Variants in CCSER1 observed in about 807,000 individuals in gnomAD.
The protein encoded by CCSER1 is coiled-coil serine rich protein 1.
In CCSER1, 41 loss-of-function variants were observed where a neutral mutation model predicts 82.0. The observed-to-expected ratio is 0.50, with a 90% CI of 0.39 to 0.65. The LOEUF (loss-of-function observed/expected upper bound fraction) is 0.65. CCSER1 is among the 30% of genes least tolerant of loss of function. The pLI, the probability that CCSER1 is intolerant of heterozygous loss-of-function variation, is 0.00. For synonymous variants in CCSER1, 414 were observed against 383.9 expected, an observed-to-expected ratio of 1.08 and a Z score of -0.92; for missense variants, 1,119 against 1,064.2, an observed-to-expected ratio of 1.05 and a Z score of -0.72.
At chr4:91,174,469 A>C (rs1360593734) in intron 10 of CCSER1, among the ~76,000 whole-genome samples, 2 of 152,048 alleles carry the variant, frequency 1.3e-5, no homozygotes, top group African/African-American at 4.8e-5. Flanking sequence ...TTTTACTATA[A>C]GTTCTGGGAA....
Position 90,313,103 on chromosome 4 carries a change from G to T in CCSER1, c.1509+56G>T, listed in dbSNP as rs765390389. The T allele has an allele frequency of 7.6e-6, 10 of 1,323,208 alleles. No homozygotes were observed. In the African/African-American group the frequency reaches 1.3e-4, roughly 17 times the overall value. 82.0% of individuals were successfully genotyped at this position (1,323,208 alleles called of 1,614,324 possible). A position where few individuals can be genotyped will look rare whatever the true frequency, so the allele number is the denominator to read the frequency against. Reference sequence around the variant, plus strand: ...AAATAATGCTGTCTATATCCGACATGTTCATGTCTCTTGCAAAATGAACAC... The same window carrying T: ...AAATAATGCTGTCTATATCCGACATTTTCATGTCTCTTGCAAAATGAACAC... On this transcript the variant is annotated intron_variant, in intron 3 of 10. Transcript: ENST00000509176.
chr4:90,424,588 A>T (rs542370780), intron 4 of CCSER1, among the ~76,000 whole-genome samples: 91 of 152,306 alleles, frequency 6.0e-4, no homozygotes, highest in South Asian at 1.2e-3. Flanking sequence ...CACATATAAG[A>T]TACTACACTT....
chr4:90,646,077 G>A (rs903125621), intron 6 of CCSER1, among the ~76,000 whole-genome samples: 6 of 152,054 alleles, frequency 3.9e-5, no homozygotes, highest in South Asian at 4.1e-4. Flanking sequence ...GTAATGAATT[G>A]TGGTAAAAGA....
At chr4:90,240,000 G>T (rs549263240) in intron 1 of CCSER1, among the ~76,000 whole-genome samples, 1 of 152,266 alleles carries the variant, frequency 6.6e-6, no homozygotes, top group East Asian at 1.9e-4. Flanking sequence ...AACCTAAGTG[G>T]TACCCTGAAG....
chr4:91,389,807 T>C (rs1020374976), intron 10 of CCSER1, among the ~76,000 whole-genome samples: 9 of 152,030 alleles, frequency 5.9e-5, no homozygotes, highest in Admixed American at 3.9e-4. Flanking sequence ...TTGTATTAGA[T>C]TTTTACTTAA....
intron 10 of CCSER1, among the ~76,000 whole-genome samples, chr4:91,416,097 A>T (rs1373586975): frequency 3.9e-5 from 6 of 151,926 alleles, no homozygotes; most frequent in Admixed American, 3.9e-4. Context: ...CTATTCAGGG[A>T]TTCAGTTTCT....
At chr4:90,871,463 T>C (rs1156877363) in intron 8 of CCSER1, among the ~76,000 whole-genome samples, 1 of 151,902 alleles carries the variant, frequency 6.6e-6, no homozygotes, top group East Asian at 1.9e-4. Context: ...TTCCATGGGC[T>C]TGTGTAGTTT....
At chr4:90,530,981 A>G (rs1412658233) in intron 5 of CCSER1, among the ~76,000 whole-genome samples, 1 of 152,236 alleles carries the variant, frequency 6.6e-6, no homozygotes, top group Non-Finnish European at 1.5e-5. Flanking sequence ...TTAAATCAGT[A>G]AAATGATTGT....
At chr4:91,198,145 T>C (rs1735602415) in intron 10 of CCSER1, among the ~76,000 whole-genome samples, 2 of 152,194 alleles carry the variant, frequency 1.3e-5, no homozygotes, top group Non-Finnish European at 2.9e-5. Context: ...TAATTGAACA[T>C]ATTTTTACTT....
intron 7 of CCSER1, among the ~76,000 whole-genome samples, chr4:90,786,515 A>T (rs1324841971): frequency 6.6e-6 from 1 of 152,214 alleles, no homozygotes; most frequent in Non-Finnish European, 1.5e-5. Context: ...AAATTAAAAA[A>T]AATTAAATCA....
Position 91,067,438 on chromosome 4 carries a change from T to C in CCSER1, c.2173-18512T>C, listed in dbSNP as rs571446321. Among the ~76,000 whole-genome samples the C allele has an allele frequency of 2.9e-3, 443 of 151,974 alleles. 2 individuals carry two copies. Among genetic ancestry groups the C allele is most frequent in the African/African-American group, 0.01 (418 of 41,478 alleles). On this transcript the variant is annotated intron_variant, in intron 9 of 10. Coordinates refer to ENST00000509176, the MANE Select transcript of CCSER1 (RefSeq NM_001145065.2). ...TAGCTTACTGCAAGCTTGAAACTCC[T>C]GGGTTCAAACAGTCCTCCCTCCTCA...
chr4:91,091,265 C>T (rs1024440917), intron 10 of CCSER1, among the ~76,000 whole-genome samples: 5 of 152,186 alleles, frequency 3.3e-5, no homozygotes, highest in Non-Finnish European at 7.3e-5. Context: ...CACTAGTCTT[C>T]AGTCCTTAAT....
intron 1 of CCSER1, among the ~76,000 whole-genome samples, chr4:90,307,542 T>C (rs1734529029): frequency 6.6e-6 from 1 of 151,352 alleles, no homozygotes. Context: ...GAGAATTACC[T>C]ATTGTAAATG....
At chr4:90,525,989 T>A (rs1259289817) in intron 5 of CCSER1, among the ~76,000 whole-genome samples, 1 of 152,142 alleles carries the variant, frequency 6.6e-6, no homozygotes, top group Non-Finnish European at 1.5e-5. Context: ...TAGCAATGTG[T>A]TTTAGTTAAA....
chr4:90,822,020 A>AGC (rs1164577041), intron 8 of CCSER1, among the ~76,000 whole-genome samples: 2 of 152,216 alleles, frequency 1.3e-5, no homozygotes, highest in Non-Finnish European at 2.9e-5. Context: ...ATGGATGAAG[A>AGC]GTGTGTACCA....
intron 5 of CCSER1, among the ~76,000 whole-genome samples, chr4:90,528,817 C>T (rs904583869): frequency 6.6e-6 from 1 of 152,120 alleles, no homozygotes; most frequent in Non-Finnish European, 1.5e-5. Context: ...TATTAGGTCA[C>T]CTTGTCTGTT....
intron 10 of CCSER1, among the ~76,000 whole-genome samples, chr4:91,460,221 G>C (rs79005859): frequency 1.3e-5 from 2 of 151,938 alleles, no homozygotes; most frequent in Non-Finnish European, 2.9e-5. Context: ...TATTTCCTTC[G>C]TCTAAGAATA....
chr4:90,570,071 C>T (rs890780542), intron 5 of CCSER1, among the ~76,000 whole-genome samples: 1 of 152,140 alleles, frequency 6.6e-6, no homozygotes, highest in African/African-American at 2.4e-5. Flanking sequence ...AGATCTATGG[C>T]CTGAGCATGA....
chr4:91,486,762 T>C (rs1225104992), intron 10 of CCSER1, among the ~76,000 whole-genome samples: 2 of 152,098 alleles, frequency 1.3e-5, no homozygotes, highest in Non-Finnish European at 2.9e-5. Context: ...ATAAGGGACT[T>C]GAACATCAGT....
Sources: gnomAD v4.1 joint callset for allele counts (sites outside exome capture counted in the v4.1 genomes callset) on GRCh38, gnomAD v4.1.1 for gene constraint, MANE v1.5 for transcripts, NCBI Gene and HGNC (gene_info 2026-07-23, HGNC 2026-07-21) for gene names.